The following MCTP1 variants were observed in gnomAD, a reference collection of about 807,000 sequenced individuals.
MCTP1 encodes the protein multiple C2 and transmembrane domain containing 1.
A neutral mutation model predicts 120.6 loss-of-function variants in MCTP1; 69 were observed. That is an observed-to-expected ratio of 0.57 (90% CI 0.47 to 0.70). The LOEUF is 0.70. Ranked by LOEUF, MCTP1 falls within the 30% of genes least tolerant of loss-of-function variation. The pLI, the probability that MCTP1 is intolerant of heterozygous loss-of-function variation, is 0.00. For synonymous variants in MCTP1, 529 were observed against 493.1 expected (o/e 1.07, Z -0.96); for missense variants, 1,203 against 1,248.8 (o/e 0.96, Z 0.55).
chr5:95,268,908 T>C (rs1294145522), intron 1 of MCTP1, among the ~76,000 whole-genome samples: 1 of 152,222 alleles, frequency 6.6e-6, no homozygotes, highest in Non-Finnish European at 1.5e-5. Flanking sequence ...GTCTGTGGGT[T>C]GGACCCGGCA....
intron 22 of MCTP1, 104 bp from the exon 23 acceptor site, chr5:94,707,671 C>T (rs907521308): frequency 1.2e-5 from 10 of 815,612 alleles, no homozygotes; most frequent in Middle Eastern, 2.3e-4. Context: ...AGAAAGTGCT[C>T]ACTCTAGAAG....
chr5:95,259,283 T>A (rs772449661), intron 1 of MCTP1, among the ~76,000 whole-genome samples: 2 of 152,194 alleles, frequency 1.3e-5, no homozygotes, highest in Non-Finnish European at 2.9e-5. Context: ...GGACTTCCTT[T>A]GACCAAAGGA....
At chr5:95,143,879 T>C (rs1018024775) in intron 1 of MCTP1, among the ~76,000 whole-genome samples, 3 of 152,220 alleles carry the variant, frequency 2.0e-5, no homozygotes, top group African/African-American at 7.2e-5. Context: ...AGTGCATGTA[T>C]CTTTTATGTA....
At chr5:95,119,137 A>G (rs1196613244) in intron 1 of MCTP1, among the ~76,000 whole-genome samples, 1 of 152,270 alleles carries the variant, frequency 6.6e-6, no homozygotes, top group African/African-American at 2.4e-5. Context: ...ATGTTAGGTC[A>G]CAAAACAAGT....
chr5:94,983,651 CT>C (rs1664824600), intron 2 of MCTP1, among the ~76,000 whole-genome samples: 2 of 88,454 alleles, frequency 2.3e-5, no homozygotes, highest in Admixed American at 1.4e-4. Context: ...ATCTGTCTGT[CT>C]GTCTGTCTGT....
At chr5:94,868,497 A>C (rs1485390216) in intron 16 of MCTP1, 45 bp from the exon 17 acceptor site, 3 of 1,468,702 alleles carry the variant, frequency 2.0e-6, no homozygotes, top group Non-Finnish European at 2.7e-6. Context: ...AAGACTAAAA[A>C]CCATCAGATA....
intron 2 of MCTP1, among the ~76,000 whole-genome samples, chr5:94,956,736 A>G (rs1339637903): frequency 6.6e-6 from 1 of 152,196 alleles, no homozygotes; most frequent in Middle Eastern, 3.2e-3. Context: ...ATGAAAAGGA[A>G]TGAACAAAGC....
intron 19 of MCTP1, among the ~76,000 whole-genome samples, chr5:94,746,582 C>T (rs1018551956): frequency 2.0e-5 from 3 of 152,160 alleles, no homozygotes; most frequent in African/African-American, 7.2e-5. Flanking sequence ...GGAATAAGAA[C>T]AAATATAAAC....
chr5:95,031,365 A>C (rs1444248413), intron 1 of MCTP1, among the ~76,000 whole-genome samples: 3 of 152,244 alleles, frequency 2.0e-5, no homozygotes, highest in Middle Eastern at 3.4e-3. Context: ...AAGAAAAAAA[A>C]ATCTTAAAGG....
intron 1 of MCTP1, 66 bp from the exon 2 acceptor site, chr5:95,017,550 A>C (rs1837358568): frequency 3.0e-6 from 3 of 1,007,946 alleles, no homozygotes; most frequent in South Asian, 1.8e-5. Flanking sequence ...CTAAAGGGGG[A>C]CCATATATAG....
At chr5:94,883,583 A>C (rs1186866500) in intron 12 of MCTP1, among the ~76,000 whole-genome samples, 1 of 152,236 alleles carries the variant, frequency 6.6e-6, no homozygotes, top group Non-Finnish European at 1.5e-5. Flanking sequence ...CATTTTATAC[A>C]GTTCTTTGAA....
intron 9 of MCTP1, among the ~76,000 whole-genome samples, chr5:94,910,839 G>GA (rs1191424757): frequency 4.2e-5 from 6 of 141,496 alleles, no homozygotes; most frequent in East Asian, 2.0e-4. Flanking sequence ...CCCCATGGCA[G>GA]AAAAAAAATG....
At chr5:94,940,278 G>T (rs898639545) in intron 4 of MCTP1, 83 bp from the exon 5 acceptor site, 3 of 757,996 alleles carry the variant, frequency 4.0e-6, no homozygotes, top group Admixed American at 5.7e-5. Flanking sequence ...ATTATTTTAA[G>T]ATAAAAAGTA....
At chr5:95,066,645 T>C (rs1750730020) in intron 1 of MCTP1, among the ~76,000 whole-genome samples, 1 of 152,178 alleles carries the variant, frequency 6.6e-6, no homozygotes, top group Non-Finnish European at 1.5e-5. Context: ...ACATACATAA[T>C]GGAATACTTT....
chr5:94,939,982 AT>A, intron 5 of MCTP1, 101 bp downstream of exon 5: 1 of 596,712 alleles, frequency 1.7e-6, no homozygotes, highest in Non-Finnish European at 2.9e-6. Context: ...AACAGGGCAT[AT>A]TTTCATAGGC....
chr5:94,889,750 C>CACACA (rs1802136000), intron 11 of MCTP1, among the ~76,000 whole-genome samples: 2 of 145,714 alleles, frequency 1.4e-5, no homozygotes, highest in African/African-American at 5.1e-5. Context: ...TGAATGTACA[C>CACACA]CACACACACA....
At chr5:95,174,274 CA>C (rs761644768) in intron 1 of MCTP1, among the ~76,000 whole-genome samples, 1 of 152,090 alleles carries the variant, frequency 6.6e-6, no homozygotes, top group Non-Finnish European at 1.5e-5. Flanking sequence ...AATGGCCCAT[CA>C]ACTGTCCAGC....
In MCTP1 at chr5:94,721,135, A is replaced by G. The variant is rs571704029; in HGVS notation, c.2611-6249T>C. ...AAAATGTTTCGAAAATGCAGACACC[A>G]TAATCTAGCCTTGAGAATCACCATA... On this transcript the variant is annotated intron_variant, in intron 19 of 22. Coordinates refer to ENST00000515393, the MANE Select transcript of MCTP1 (RefSeq NM_024717.7). Among the ~76,000 whole-genome samples the G allele has an allele frequency of 1.6e-3, 246 of 152,342 alleles. 2 individuals are homozygous for G. Among genetic ancestry groups the G allele is most frequent in the African/African-American group, 5.4e-3 (224 of 41,586 alleles).
At chr5:95,167,656 C>A (rs1746596287) in intron 1 of MCTP1, among the ~76,000 whole-genome samples, 1 of 152,182 alleles carries the variant, frequency 6.6e-6, no homozygotes, top group Non-Finnish European at 1.5e-5. Context: ...TCTCTGATGG[C>A]CAGTGATGAT....
Sources: allele counts gnomAD v4.1 joint callset (sites outside exome capture counted in the v4.1 genomes callset), GRCh38; gene constraint gnomAD v4.1.1; transcripts MANE v1.5; gene names NCBI Gene and HGNC (gene_info 2026-07-23, HGNC 2026-07-21).